The following PAX3 variants were observed in gnomAD, a reference collection of about 807,000 sequenced individuals.
PAX3 encodes the protein paired box 3, also known as paired box protein Pax-3.
In PAX3, 14 loss-of-function variants were observed where a neutral mutation model predicts 51.6. The ratio of observed to expected loss-of-function variants is 0.27; its 90% CI spans 0.18 to 0.42. The LOEUF is 0.42. Among genes scored for constraint, PAX3 ranks in the 10% least tolerant of loss-of-function variants. PAX3 has a pLI of 1.00. For missense variants in PAX3, 540 were observed against 642.8 expected (o/e 0.84, Z 1.73); for synonymous variants, 280 against 253.4 (o/e 1.11, Z -1.00).
chr2:222,293,658 G>A, intron 4 of PAX3: 1 of 1,614,096 alleles, frequency 6.2e-7, no homozygotes. Context: ...ATATTTATAA[G>A]GCAGCCAATG....
At chr2:222,271,481 A>G (rs1021420467) in intron 4 of PAX3, among the ~76,000 whole-genome samples, 2 of 152,200 alleles carry the variant, frequency 1.3e-5, no homozygotes, top group African/African-American at 4.8e-5. Context: ...GACAGTAACG[A>G]TTATATCTTG....
chr2:222,228,822 C>G (rs961905091), intron 5 of PAX3, among the ~76,000 whole-genome samples: 1 of 152,056 alleles, frequency 6.6e-6, no homozygotes, highest in Non-Finnish European at 1.5e-5. Flanking sequence ...ATCTGTAGAC[C>G]CAGCTACTCT....
intron 4 of PAX3, chr2:222,263,092 T>C (rs1181529133): frequency 6.6e-6 from 1 of 152,068 alleles, no homozygotes; most frequent in Non-Finnish European, 1.5e-5. Flanking sequence ...GCACAACTGA[T>C]AAAATAAAAA....
At chr2:222,234,785 T>C (rs1559274509) in intron 4 of PAX3, among the ~76,000 whole-genome samples, 1 of 152,240 alleles carries the variant, frequency 6.6e-6, no homozygotes, top group Admixed American at 6.5e-5. Context: ...TAACTGAAAG[T>C]CACTCCCACA....
At chr2:222,257,387 C>G (rs1693686260) in intron 4 of PAX3, among the ~76,000 whole-genome samples, 2 of 152,122 alleles carry the variant, frequency 1.3e-5, no homozygotes, top group Non-Finnish European at 2.9e-5. Flanking sequence ...AAGCATAGTA[C>G]TATGCTAGAA....
intron 7 of PAX3, among the ~76,000 whole-genome samples, chr2:222,212,622 A>AACACACACACACACACACAC (rs57019405): frequency 2.0e-5 from 3 of 147,932 alleles, no homozygotes; most frequent in Non-Finnish European, 4.5e-5. Context: ...TGGAAAAACA[A>AACACACACACACACACACAC]ACACACACAC....
chr2:222,250,511 C>T (rs7582981), intron 4 of PAX3, among the ~76,000 whole-genome samples: 17,476 of 151,960 alleles, frequency 0.12, 1,236 homozygotes, highest in East Asian at 0.32. Context: ...ACAGAAACTT[C>T]GAAAAAGGTA....
chr2:222,209,184 G>C (rs938990258), intron 7 of PAX3, among the ~76,000 whole-genome samples: 1 of 152,102 alleles, frequency 6.6e-6, no homozygotes, highest in Admixed American at 6.6e-5. Flanking sequence ...GGAAGAAAAT[G>C]GTTGTCCAGC....
chr2:222,298,979 C>A lies in PAX3; in HGVS notation c.-364G>T. 2.4e-6 allele frequency: 1 copy of A among 414,918 alleles called. No individual in the cohort carries two copies. The highest frequency in any genetic ancestry group is 2.9e-5 in the South Asian group (1 of 34,848). The allele number at this position is 414,918 out of a possible 1,614,324, so 25.7% of individuals were successfully genotyped here. Reference sequence around the variant, plus strand: ...GGAGCGCGGCCTGCCTGAGTCTCCTCCTGTGGTGACACCGAGTGCGGGGAT... The same window carrying A: ...GGAGCGCGGCCTGCCTGAGTCTCCTACTGTGGTGACACCGAGTGCGGGGAT... On this transcript the variant is annotated 5_prime_UTR_variant, in exon 1 of 9. Coordinates refer to ENST00000392070, the MANE Select transcript of PAX3 (RefSeq NM_181458.4).
rs1464020018 is a variant in PAX3, at chr2:222,232,073, A to G, written c.792+5T>C. On this transcript the variant is annotated splice_donor_5th_base_variant and intron_variant, in intron 5 of 8. Transcript: ENST00000392070. Reference sequence around the variant, plus strand: ...AGTAGGACACGGAGGTTTGGGCAACAGTACCTGTACTCGGGCCTCGGTGAG... The same window carrying G: ...AGTAGGACACGGAGGTTTGGGCAACGGTACCTGTACTCGGGCCTCGGTGAG... 1 of 1,613,316 alleles carries G rather than the reference A, an allele frequency of 6.2e-7. No individual in the cohort carries two copies. Among genetic ancestry groups the G allele is most frequent in the African/African-American group, 1.3e-5 (1 of 74,902 alleles).
intron 4 of PAX3, among the ~76,000 whole-genome samples, chr2:222,270,841 G>A (rs894891565): frequency 1.3e-5 from 2 of 152,164 alleles, no homozygotes. Context: ...TTGCAATAAA[G>A]CAATGTTATC....
chr2:222,293,434 G>C (rs1695119843), intron 4 of PAX3, among the ~76,000 whole-genome samples: 1 of 145,514 alleles, frequency 6.9e-6, no homozygotes, highest in Non-Finnish European at 1.5e-5. Context: ...TCCCATGGGG[G>C]AGATTTTTTT....
chr2:222,285,289 T>C (rs45598536), intron 4 of PAX3, among the ~76,000 whole-genome samples: 5 of 152,340 alleles, frequency 3.3e-5, no homozygotes, highest in Admixed American at 3.3e-4. Context: ...ACAGATTCTA[T>C]GAATCTATAA....
At chr2:222,215,697 G>A (rs895099927) in intron 7 of PAX3, among the ~76,000 whole-genome samples, 9 of 152,158 alleles carry the variant, frequency 5.9e-5, no homozygotes, top group African/African-American at 1.2e-4. Context: ...ATATTCCAAG[G>A]CAGCATTCCT....
chr2:222,221,347 G>C lies in PAX3; in HGVS notation c.833C>G (p.Ala278Gly). The C allele has an allele frequency of 6.2e-7, 1 of 1,614,024 alleles. No individual in the cohort carries two copies. Among genetic ancestry groups the C allele is most frequent in the Non-Finnish European group, 8.5e-7 (1 of 1,179,898 alleles). The change falls in exon 6 of 9, where the codon GCT becomes GGT. Residue 278 changes from alanine to glycine, a missense_variant. Physicochemically the swap from Ala to Gly is moderately conservative, Grantham distance 60. This residue lies in a region of PAX3 where 427 missense variants were observed against 483.6 expected (regional missense o/e 0.88). Coordinates refer to ENST00000392070, the MANE Select transcript of PAX3 (RefSeq NM_181458.4). ...GAAAGCCATCAGTTGATTGGCCCCA[G>C]CTTGCTTCCTCCATCTTGCACGGCG... The part of the protein sequence containing the change: ...SNRRARWRKQ[A>G]GANQLMAFNH...
In PAX3 at chr2:222,201,299, C is replaced by A. The variant is rs1691281017; in HGVS notation, c.*109G>T. The stretch of plus-strand genomic sequence containing the variant: ...GTCTCCTATTGGGACCACTGCCCCA[C>A]CCCCCCCAACAAAAGGGTAATTTTT... On this transcript the variant is annotated 3_prime_UTR_variant, in exon 9 of 9. Coordinates refer to ENST00000392070, the MANE Select transcript of PAX3 (RefSeq NM_181458.4). 4 of 1,548,454 alleles carry A rather than the reference C, an allele frequency of 2.6e-6. No individual in the cohort carries two copies. The highest frequency in any genetic ancestry group is 3.5e-6 in the Non-Finnish European group (4 of 1,155,688).
At chr2:222,235,908 G>C (rs1409039780) in intron 4 of PAX3, among the ~76,000 whole-genome samples, 1 of 152,170 alleles carries the variant, frequency 6.6e-6, no homozygotes, top group Non-Finnish European at 1.5e-5. Flanking sequence ...CAATGGAAAG[G>C]TTGCATCTAA....
intron 4 of PAX3, among the ~76,000 whole-genome samples, chr2:222,239,564 T>G (rs1692929571): frequency 6.6e-6 from 1 of 152,160 alleles, no homozygotes; most frequent in Admixed American, 6.5e-5. Flanking sequence ...AATTTTAACG[T>G]GTAGCTAGAA....
chr2:222,249,842 A>G lies in PAX3; in HGVS notation c.587-17559T>C, dbSNP rs76695514. On this transcript the variant is annotated intron_variant, in intron 4 of 8. Coordinates refer to ENST00000392070, the MANE Select transcript of PAX3 (RefSeq NM_181458.4). Reference sequence around the variant, plus strand: ...ACAGTATAAAATATCCCTAAATAACAGTAACGACAGCCCTCCCCTGATCCC... The same window carrying G: ...ACAGTATAAAATATCCCTAAATAACGGTAACGACAGCCCTCCCCTGATCCC... 1.8e-4 allele frequency among the ~76,000 whole-genome samples: 28 copies of G among 152,240 alleles called. No homozygotes were observed. In the East Asian group the frequency reaches 5.0e-3, roughly 27 times the overall value.
Sources: gnomAD v4.1 joint callset for allele counts (sites outside exome capture counted in the v4.1 genomes callset) on GRCh38, gnomAD v4.1.1 for gene constraint, gnomAD v4.1.1 regional missense constraint, MANE v1.5 for transcripts, NCBI Gene and HGNC (gene_info 2026-07-23, HGNC 2026-07-21) for gene names.